SLCO3A1: variants seen among roughly 807,000 people sequenced by gnomAD.
The protein encoded by SLCO3A1 is solute carrier organic anion transporter family member 3A1.
SLCO3A1 carries 27 observed loss-of-function variants against 63.1 expected under a neutral mutation model. That is an observed-to-expected ratio of 0.43 (90% CI 0.32 to 0.59). The LOEUF (loss-of-function observed/expected upper bound fraction) is 0.59. Among genes scored for constraint, SLCO3A1 ranks in the 20% least tolerant of loss-of-function variants. The pLI is 0.09. For synonymous variants in SLCO3A1, 473 were observed against 409.9 expected (o/e 1.15, Z -1.86); for missense variants, 773 against 945.8 (o/e 0.82, Z 2.40).
chr15:91,869,339 C>A (rs1481892049), intron 1 of SLCO3A1, among the ~76,000 whole-genome samples: 1 of 151,992 alleles, frequency 6.6e-6, no homozygotes, highest in Admixed American at 6.6e-5. Context: ...AGTTTGAGAA[C>A]AGCCTGGCCA....
chr15:92,103,557 C>A (rs1338965138), intron 3 of SLCO3A1, among the ~76,000 whole-genome samples: 1 of 151,770 alleles, frequency 6.6e-6, no homozygotes, highest in Non-Finnish European at 1.5e-5. Flanking sequence ...AAACAAAGGC[C>A]CCTCACCATA....
intron 9 of SLCO3A1, chr15:92,153,568 C>T (rs935563603): frequency 2.0e-5 from 3 of 152,230 alleles, no homozygotes; most frequent in African/African-American, 7.2e-5. Context: ...GTGACATCAT[C>T]AACTTTTTTG....
intron 2 of SLCO3A1, among the ~76,000 whole-genome samples, chr15:91,973,209 G>A (rs1186376787): frequency 1.3e-5 from 2 of 152,238 alleles, no homozygotes; most frequent in Non-Finnish European, 1.5e-5. Flanking sequence ...TCATTTCCCA[G>A]AGAAGAAGTG....
At chr15:92,089,547 T>C (rs1272383510) in intron 2 of SLCO3A1, among the ~76,000 whole-genome samples, 4 of 152,234 alleles carry the variant, frequency 2.6e-5, no homozygotes, top group Non-Finnish European at 5.9e-5. Flanking sequence ...GTGTTCACTG[T>C]TGCTGACATA....
intron 9 of SLCO3A1, 115 bp downstream of exon 9, chr15:92,151,129 AATT>A (rs2048300028): frequency 6.6e-6 from 5 of 753,152 alleles, no homozygotes; most frequent in Middle Eastern, 2.9e-4. Context: ...TTTGCAGTTT[AATT>A]ATTAGTAAAT....
chr15:92,166,382 C>T (rs980746240), downstream of SLCO3A1, among the ~76,000 whole-genome samples: 1 of 152,194 alleles, frequency 6.6e-6, no homozygotes, highest in Non-Finnish European at 1.5e-5. Flanking sequence ...GGGTTGCTAA[C>T]GTCTTCCTAG....
At chr15:91,898,595 C>T (rs887939038) in intron 1 of SLCO3A1, among the ~76,000 whole-genome samples, 4 of 152,044 alleles carry the variant, frequency 2.6e-5, no homozygotes, top group South Asian at 2.1e-4. Context: ...CATTTCGATC[C>T]GCAAGATACT....
At chr15:92,103,853 T>TG in intron 3 of SLCO3A1, among the ~76,000 whole-genome samples, 1 of 152,072 alleles carries the variant, frequency 6.6e-6, no homozygotes, top group African/African-American at 2.4e-5. Flanking sequence ...AGGCAGTGAG[T>TG]GGGGCATTGA....
In SLCO3A1 at chr15:92,019,595, A is replaced by G. The variant is rs980469544; in HGVS notation, c.647-75286A>G. On this transcript the variant is annotated intron_variant, in intron 2 of 9. Coordinates refer to ENST00000318445, the MANE Select transcript of SLCO3A1 (RefSeq NM_013272.4). The stretch of plus-strand genomic sequence containing the variant: ...TGAACTGCATCTTGAGGGATGGTCA[A>G]GAGTTTGCTGGGTAGAAATCTAGGG... Among the ~76,000 whole-genome samples the G allele has an allele frequency of 3.9e-5, 6 of 152,328 alleles. No individual in the cohort carries two copies. The South Asian group carries it at 1.2e-3, about 32-fold the overall frequency.
At chr15:91,927,852 T>C (rs1267926300) in intron 2 of SLCO3A1, among the ~76,000 whole-genome samples, 3 of 152,244 alleles carry the variant, frequency 2.0e-5, no homozygotes, top group Admixed American at 6.5e-5. Context: ...AAATTGCGTA[T>C]GGACACTGGA....
intron 8 of SLCO3A1, 111 bp downstream of exon 8, chr15:92,147,270 A>T: frequency 9.2e-7 from 1 of 1,090,456 alleles, no homozygotes; most frequent in Non-Finnish European, 1.3e-6. Flanking sequence ...CAGGTGAGCT[A>T]GGGCCACAGC....
At chr15:92,040,199 G>A (rs1442155043) in intron 2 of SLCO3A1, among the ~76,000 whole-genome samples, 1 of 152,054 alleles carries the variant, frequency 6.6e-6, no homozygotes, top group Non-Finnish European at 1.5e-5. Flanking sequence ...TTGTATCCCA[G>A]AACTCAAAGT....
rs1178203829 is a variant in SLCO3A1 at position 91,854,606 on chromosome 15, A to C, written c.180+518A>C. Among the ~76,000 whole-genome samples the C allele has an allele frequency of 6.6e-6, 1 of 152,062 alleles. No homozygotes were observed. Among genetic ancestry groups the C allele is most frequent in the Non-Finnish European group, 1.5e-5 (1 of 68,022 alleles). ...CAATTACAGGGGGATATAACAGCTT[A>C]GAGTGAAATGCGCCCTAGTGTGGCC... On this transcript the variant is annotated intron_variant, in intron 1 of 9. Coordinates refer to ENST00000318445, the MANE Select transcript of SLCO3A1 (RefSeq NM_013272.4). This position sits in a 1 kb window ranked among gnomAD's most constrained non-coding sequence, Gnocchi z 6.4.
chr15:92,101,587 G>A (rs764355676), intron 3 of SLCO3A1, among the ~76,000 whole-genome samples: 23 of 152,240 alleles, frequency 1.5e-4, no homozygotes, highest in South Asian at 1.0e-3. Flanking sequence ...ACCAGTAGCC[G>A]TCTTCCCCAG....
intron 2 of SLCO3A1, among the ~76,000 whole-genome samples, chr15:92,057,155 T>C (rs1011852846): frequency 6.6e-6 from 1 of 152,152 alleles, no homozygotes; most frequent in African/African-American, 2.4e-5. Flanking sequence ...TAGCTTTCTG[T>C]CATTCCAAGC....
At chr15:91,994,212 A>G (rs2046162374) in intron 2 of SLCO3A1, among the ~76,000 whole-genome samples, 1 of 152,214 alleles carries the variant, frequency 6.6e-6, no homozygotes, top group South Asian at 2.1e-4. Flanking sequence ...GCCTTTGCAA[A>G]TAATAACCCA....
intron 1 of SLCO3A1, among the ~76,000 whole-genome samples, chr15:91,867,708 G>A (rs1349699606): frequency 6.6e-6 from 1 of 152,156 alleles, no homozygotes; most frequent in Non-Finnish European, 1.5e-5. Flanking sequence ...GGAAGAGCTT[G>A]GCAGGCTGCT....
At chr15:92,167,165 G>A (rs962733086), downstream of SLCO3A1, among the ~76,000 whole-genome samples, 5 of 152,194 alleles carry the variant, frequency 3.3e-5, no homozygotes, top group East Asian at 5.8e-4. Context: ...AATACTTCCC[G>A]CTGCCTGGTG....
intron 1 of SLCO3A1, among the ~76,000 whole-genome samples, chr15:91,915,101 C>T (rs1898609864): frequency 6.6e-6 from 1 of 152,132 alleles, no homozygotes; most frequent in African/African-American, 2.4e-5. Context: ...AAGAATGCAT[C>T]TCCTCATGGC....
Sources: gnomAD v4.1 joint callset for allele counts (sites outside exome capture counted in the v4.1 genomes callset) on GRCh38, gnomAD v4.1.1 for gene constraint, Gnocchi (gnomAD v3.1) non-coding constraint, MANE v1.5 for transcripts, NCBI Gene and HGNC (gene_info 2026-07-23, HGNC 2026-07-21) for gene names.